Variants in ANKS1B observed in about 807,000 individuals in gnomAD.
ANKS1B encodes the protein ankyrin repeat and sterile alpha motif domain-containing protein 1B.
In ANKS1B, 36 loss-of-function variants were observed where a neutral mutation model predicts 148.3. The ratio of observed to expected loss-of-function variants is 0.24; its 90% CI spans 0.19 to 0.32. The LOEUF is 0.32. ANKS1B is among the 10% of genes least tolerant of loss of function. The pLI, the probability that ANKS1B is intolerant of heterozygous loss-of-function variation, is 1.00. For missense variants in ANKS1B, 1,157 were observed against 1,542.6 expected (o/e 0.75, Z 4.19); for synonymous variants, 542 against 560.8 (o/e 0.97, Z 0.47).
chr12:98,870,242 C>T (rs530011086), intron 17 of ANKS1B, among the ~76,000 whole-genome samples: 4 of 152,300 alleles, frequency 2.6e-5, no homozygotes, highest in South Asian at 4.1e-4. Flanking sequence ...ACTGTGCTTT[C>T]GGGATCACTG....
chr12:98,847,744 C>A (rs979255355), intron 17 of ANKS1B, among the ~76,000 whole-genome samples: 14 of 152,072 alleles, frequency 9.2e-5, no homozygotes, highest in Non-Finnish European at 2.9e-5. Flanking sequence ...TACAGGCATG[C>A]GCCACCATGC....
At position 99,399,781 on chromosome 12, in the gene ANKS1B, G is replaced by T; in HGVS notation, c.1606C>A (p.Leu536Met). The T allele has an allele frequency of 6.2e-7, 1 of 1,613,404 alleles. No homozygotes were observed. Among genetic ancestry groups the T allele is most frequent in the Non-Finnish European group, 8.5e-7 (1 of 1,179,456 alleles). Residue 536 changes from leucine (L) to methionine (M), a missense_variant, in exon 12 of 27, where the codon CTG (leucine) becomes ATG (methionine). Coordinates refer to ENST00000683438, the MANE Select transcript of ANKS1B (RefSeq NM_001352186.2). ...TTGTGATTCATTCGGTGAAAATCCA[G>T]AGAAGACACAATGGATGTTCGCTGT... ...PKQRTSIVSS[L>M]DFHRMNHNQE...
intron 4 of ANKS1B, among the ~76,000 whole-genome samples, chr12:99,804,633 A>T (rs1011367042): frequency 6.6e-6 from 1 of 152,192 alleles, no homozygotes; most frequent in Non-Finnish European, 1.5e-5. Context: ...GTGAGCACGC[A>T]TTCCACCTGG....
At chr12:99,875,311 T>A (rs1057227704) in intron 1 of ANKS1B, among the ~76,000 whole-genome samples, 1 of 152,180 alleles carries the variant, frequency 6.6e-6, no homozygotes, top group Admixed American at 6.5e-5. Context: ...TTAAGTTTTT[T>A]ACTTGCATGT....
At chr12:99,010,901 G>GTTTTTTT (rs1309326368) in intron 17 of ANKS1B, among the ~76,000 whole-genome samples, 2 of 51,312 alleles carry the variant, frequency 3.9e-5, no homozygotes, top group Non-Finnish European at 7.5e-5. Context: ...GTGAGCTTTT[G>GTTTTTTT]TTTTTTTTTT....
chr12:99,073,291 T>C (rs2046834218), intron 16 of ANKS1B, among the ~76,000 whole-genome samples: 1 of 152,182 alleles, frequency 6.6e-6, no homozygotes, highest in South Asian at 2.1e-4. Flanking sequence ...CTGACCATGT[T>C]CCCAACCATT....
chr12:99,082,521 T>C (rs1257868204), intron 16 of ANKS1B, among the ~76,000 whole-genome samples: 7 of 152,142 alleles, frequency 4.6e-5, no homozygotes, highest in Non-Finnish European at 5.9e-5. Context: ...ATTTATATTT[T>C]AGAAGGATCA....
chr12:98,916,683 A>G (rs1596851503), intron 17 of ANKS1B, among the ~76,000 whole-genome samples: 1 of 152,246 alleles, frequency 6.6e-6, no homozygotes, highest in Non-Finnish European at 1.5e-5. Context: ...TTATCAATGC[A>G]GAGTGGTTGA....
intron 12 of ANKS1B, among the ~76,000 whole-genome samples, chr12:99,385,170 T>G (rs55841763): frequency 0.14 from 21,344 of 149,998 alleles, 1,633 homozygotes; most frequent in African/African-American, 0.19. Flanking sequence ...AAGATTAATC[T>G]TAAAGTGCAA....
intron 17 of ANKS1B, among the ~76,000 whole-genome samples, chr12:98,905,848 A>T (rs1453765830): frequency 6.6e-6 from 1 of 151,552 alleles, no homozygotes; most frequent in Non-Finnish European, 1.5e-5. Flanking sequence ...CCAAGTGGAT[A>T]AAAAAAAATA....
intron 17 of ANKS1B, among the ~76,000 whole-genome samples, chr12:99,043,017 C>T (rs1218015658): frequency 6.6e-6 from 1 of 152,158 alleles, no homozygotes; most frequent in Non-Finnish European, 1.5e-5. Context: ...CTGGGTTTAC[C>T]CCTAATATTT....
chr12:99,675,653 A>G (rs987245373), intron 8 of ANKS1B, among the ~76,000 whole-genome samples: 8 of 151,818 alleles, frequency 5.3e-5, no homozygotes, highest in Non-Finnish European at 1.2e-4. Flanking sequence ...AAGTTATTTC[A>G]CCTCTACCAA....
At chr12:99,181,057 C>A (rs1166208764) in intron 14 of ANKS1B, among the ~76,000 whole-genome samples, 1 of 152,166 alleles carries the variant, frequency 6.6e-6, no homozygotes. Context: ...ACATGACTAT[C>A]CATTCTTCAT....
chr12:99,113,976 T>C lies in ANKS1B; in HGVS notation c.2527-28953A>G, dbSNP rs1395444271. On this transcript the variant is annotated intron_variant, in intron 15 of 26. Transcript: ENST00000683438. Reference sequence around the variant, plus strand: ...AGGTTTTAGCTTCCCCTACACACACTTTTGGACTTTTAAGCTTTCTTCCTG... The same window carrying C: ...AGGTTTTAGCTTCCCCTACACACACCTTTGGACTTTTAAGCTTTCTTCCTG... Among the ~76,000 whole-genome samples the C allele has an allele frequency of 2.0e-5, 3 of 152,212 alleles. No individual in the cohort carries two copies. The East Asian group carries it at 5.8e-4, about 29-fold the overall frequency.
chr12:99,003,351 G>C (rs983636048), intron 17 of ANKS1B, among the ~76,000 whole-genome samples: 1 of 151,792 alleles, frequency 6.6e-6, no homozygotes, highest in African/African-American at 2.4e-5. Flanking sequence ...GAATTGTTTT[G>C]CCTATTTCTA....
chr12:99,000,651 T>C (rs2099932445), intron 17 of ANKS1B, among the ~76,000 whole-genome samples: 2 of 152,202 alleles, frequency 1.3e-5, no homozygotes, highest in South Asian at 2.1e-4. Flanking sequence ...ATTGTGTGCA[T>C]AATACAATAC....
At chr12:99,596,033 C>T (rs2097755942) in intron 9 of ANKS1B, among the ~76,000 whole-genome samples, 1 of 151,898 alleles carries the variant, frequency 6.6e-6, no homozygotes, top group South Asian at 2.1e-4. Context: ...AAGCCAGAAA[C>T]TACCTTGCCA....
chr12:99,090,845 T>C (rs1166935451), intron 15 of ANKS1B, among the ~76,000 whole-genome samples: 1 of 152,154 alleles, frequency 6.6e-6, no homozygotes, highest in Non-Finnish European at 1.5e-5. Flanking sequence ...AACAAAGCTT[T>C]ATTTAGCTTA....
intron 17 of ANKS1B, among the ~76,000 whole-genome samples, chr12:98,928,781 C>T (rs1201452363): frequency 1.3e-5 from 2 of 152,036 alleles, no homozygotes; most frequent in African/African-American, 4.8e-5. Context: ...GAAAAAAACA[C>T]AGAACTTCCT....
Sources: gnomAD v4.1 joint callset for allele counts (sites outside exome capture counted in the v4.1 genomes callset) on GRCh38, gnomAD v4.1.1 for gene constraint, MANE v1.5 for transcripts, NCBI Gene and HGNC (gene_info 2026-07-23, HGNC 2026-07-21) for gene names.